The following VAMP7 variants were observed in gnomAD, a reference collection of about 807,000 sequenced individuals.
The protein encoded by VAMP7 is vesicle associated membrane protein 7.
Under a neutral mutation model 29.6 loss-of-function variants are expected in VAMP7, and 14 were observed. The observed-to-expected ratio is 0.47, with a 90% CI of 0.31 to 0.74. The LOEUF is 0.74. VAMP7 is among the 30% of genes least tolerant of loss of function. VAMP7 has a pLI of 0.05. For synonymous variants in VAMP7, 95 were observed against 88.1 expected (o/e 1.08, Z -0.44); for missense variants, 223 against 262.4 (o/e 0.85, Z 1.04).
In VAMP7 at chrX:155,942,424, T is replaced by G. The variant is rs1405623845; in HGVS notation, c.*473T>G. The G allele has an allele frequency of 2.5e-6, 1 of 400,952 alleles. No homozygotes were observed. Among genetic ancestry groups the G allele is most frequent in the South Asian group, 4.7e-5 (1 of 21,226 alleles). The allele number at this position is 400,952 out of a possible 1,614,324, so 24.8% of individuals were successfully genotyped here. On this transcript the variant is annotated 3_prime_UTR_variant, in exon 8 of 8. Coordinates refer to ENST00000286448, the MANE Select transcript of VAMP7 (RefSeq NM_005638.6). ...AATATAAATGGATAATAGTTGTTAT[T>G]TGGGGAATTGTAATGATGTTGGTGC...
intron 7 of VAMP7, among the ~76,000 whole-genome samples, chrX:155,941,221 G>A (rs1316320421): frequency 6.6e-6 from 1 of 152,030 alleles, no homozygotes; most frequent in African/African-American, 2.4e-5. Flanking sequence ...TCTATTTTTT[G>A]TGATATAATA....
At position 155,889,579 on chromosome X, in the gene VAMP7, C is replaced by T; in HGVS notation, c.113C>T (p.Ser38Phe). The T allele has an allele frequency of 1.2e-6, 2 of 1,613,880 alleles. No homozygotes were observed. Among genetic ancestry groups the T allele is most frequent in the Non-Finnish European group, 1.7e-6 (2 of 1,179,840 alleles). Residue 38 changes from serine (S) to phenylalanine (F), a missense_variant, in exon 2 of 8, where the codon TCT becomes TTT. Transcript: ENST00000286448. Reference protein sequence around the residue: ...VTEQILAKIPSENNKLTYSHG... With the variant: ...VTEQILAKIPFENNKLTYSHG... ...GAGCAGATTCTGGCTAAGATACCTT[C>T]TGAAAATAACAAACTAACGTACTCA... is the stretch of plus-strand genomic sequence containing the variant.
intron 5 of VAMP7, among the ~76,000 whole-genome samples, chrX:155,901,851 G>T (rs1483964709): frequency 1.3e-5 from 2 of 152,118 alleles, no homozygotes; most frequent in Non-Finnish European, 2.9e-5. Context: ...ACTTGGTGAT[G>T]CGGGCTCTTT....
At chrX:155,937,664 G>T (rs1374982222) in intron 6 of VAMP7, among the ~76,000 whole-genome samples, 1 of 152,136 alleles carries the variant, frequency 6.6e-6, no homozygotes. Context: ...CTTGCCACAT[G>T]GTGGGTAGGT....
intron 5 of VAMP7, among the ~76,000 whole-genome samples, chrX:155,910,315 C>T (rs922324536): frequency 3.9e-5 from 6 of 152,132 alleles, no homozygotes; most frequent in African/African-American, 1.4e-4. Flanking sequence ...AATAGTATTC[C>T]ATTGTGTTTA....
At chrX:155,910,221 C>T (rs993893661) in intron 5 of VAMP7, among the ~76,000 whole-genome samples, 2 of 152,136 alleles carry the variant, frequency 1.3e-5, no homozygotes, top group Non-Finnish European at 2.9e-5. Flanking sequence ...TCTTTCCATG[C>T]CTGCCTTATA....
At chrX:155,901,414 C>G (rs1250742700) in intron 5 of VAMP7, among the ~76,000 whole-genome samples, 1 of 151,948 alleles carries the variant, frequency 6.6e-6, no homozygotes, top group Non-Finnish European at 1.5e-5. Context: ...CAGACAATTG[C>G]TACAATATTA....
chrX:155,927,765 G>GTTTTTTTTTTTTTTTTT (rs35465189), intron 6 of VAMP7, among the ~76,000 whole-genome samples: 1 of 141,204 alleles, frequency 7.1e-6, no homozygotes, highest in Non-Finnish European at 1.5e-5. Flanking sequence ...CACAATGGCA[G>GTTTTTTTTTTTTTTTTT]TTTTTTTTTT....
At chrX:155,899,557 CGCACACACAT>C (rs1309850698) in intron 4 of VAMP7, among the ~76,000 whole-genome samples, 2 of 151,678 alleles carry the variant, frequency 1.3e-5, no homozygotes, top group Non-Finnish European at 2.9e-5. Flanking sequence ...CACACACACA[CGCACACACAT>C]ACTCTTCTGG....
At chrX:155,926,053 C>T (rs1040631335) in intron 6 of VAMP7, among the ~76,000 whole-genome samples, 5 of 152,110 alleles carry the variant, frequency 3.3e-5, no homozygotes, top group Non-Finnish European at 7.4e-5. Flanking sequence ...GTGCTATCTT[C>T]CAGGTTTGTT....
chrX:155,926,923 A>G (rs1431589688), intron 6 of VAMP7, among the ~76,000 whole-genome samples: 1 of 152,222 alleles, frequency 6.6e-6, no homozygotes, highest in Non-Finnish European at 1.5e-5. Context: ...ATAGCTGGTC[A>G]GTGAACAGTT....
intron 6 of VAMP7, among the ~76,000 whole-genome samples, chrX:155,931,766 A>G (rs2066561218): frequency 6.6e-6 from 1 of 152,124 alleles, no homozygotes; most frequent in Non-Finnish European, 1.5e-5. Context: ...GGTGTTTTAG[A>G]TATGAAGTCC....
intron 6 of VAMP7, among the ~76,000 whole-genome samples, chrX:155,932,413 A>T (rs746071258): frequency 1.8e-3 from 280 of 152,246 alleles, no homozygotes; most frequent in Admixed American, 4.0e-3. Context: ...CTCCTTGAAG[A>T]GGTCCTTCAC....
At chrX:155,940,400 C>T (rs376921303) in intron 7 of VAMP7, among the ~76,000 whole-genome samples, 4 of 152,138 alleles carry the variant, frequency 2.6e-5, no homozygotes, top group South Asian at 2.1e-4. Flanking sequence ...GGTCCTCTGC[C>T]TTAGACAGCT....
intron 6 of VAMP7, among the ~76,000 whole-genome samples, chrX:155,937,163 GAC>G: frequency 6.6e-6 from 1 of 151,948 alleles, no homozygotes; most frequent in East Asian, 1.9e-4. Flanking sequence ...AAATATACTA[GAC>G]ACAGATAGAT....
At chrX:155,937,077 T>C (rs761455860) in intron 6 of VAMP7, among the ~76,000 whole-genome samples, 1 of 152,252 alleles carries the variant, frequency 6.6e-6, no homozygotes, top group South Asian at 2.1e-4. Context: ...CCTATTGAAA[T>C]TCCAATGGCA....
chrX:155,900,034 G>A (rs2066040243), intron 4 of VAMP7, among the ~76,000 whole-genome samples: 1 of 152,084 alleles, frequency 6.6e-6, no homozygotes, highest in African/African-American at 2.4e-5. Flanking sequence ...TTTATATGCT[G>A]TGATCCTGGC....
At chrX:155,890,327 A>G (rs1370671493) in intron 2 of VAMP7, among the ~76,000 whole-genome samples, 2 of 152,090 alleles carry the variant, frequency 1.3e-5, no homozygotes, top group Non-Finnish European at 2.9e-5. Context: ...GTTTTCAGCC[A>G]GGGTGTGACA....
intron 6 of VAMP7, among the ~76,000 whole-genome samples, chrX:155,938,699 C>G (rs2124408502): frequency 6.6e-6 from 1 of 152,218 alleles, no homozygotes; most frequent in African/African-American, 2.4e-5. Flanking sequence ...ACCTATAGTC[C>G]CAGCTACTCA....
Sources: gnomAD v4.1 joint callset for allele counts (sites outside exome capture counted in the v4.1 genomes callset) on GRCh38, gnomAD v4.1.1 for gene constraint, MANE v1.5 for transcripts, NCBI Gene and HGNC (gene_info 2026-07-23, HGNC 2026-07-21) for gene names.